EXOC6: variants seen among roughly 807,000 people sequenced by gnomAD.
EXOC6 encodes SEC15-like 1.
In EXOC6, 60 loss-of-function variants were observed where a neutral mutation model predicts 112.5. That is an observed-to-expected ratio of 0.53 (90% CI 0.43 to 0.66). The LOEUF is 0.66. EXOC6 is among the 30% of genes least tolerant of loss of function. The pLI is 0.00. For missense variants in EXOC6, 855 were observed against 957.1 expected (o/e 0.89, Z 1.41); for synonymous variants, 295 against 308.0 (o/e 0.96, Z 0.44).
At chr10:92,837,433 G>T (rs1369175251) in intron 1 of EXOC6, among the ~76,000 whole-genome samples, 1 of 152,202 alleles carries the variant, frequency 6.6e-6, no homozygotes, top group Non-Finnish European at 1.5e-5. Context: ...CACTTTGGGA[G>T]GCTGAGGTGG....
intron 20 of EXOC6, among the ~76,000 whole-genome samples, chr10:93,024,974 CAT>C (rs1257614378): frequency 6.6e-6 from 1 of 151,910 alleles, no homozygotes; most frequent in Non-Finnish European, 1.5e-5. Flanking sequence ...TGAGTTAAGA[CAT>C]AGAAAAAATA....
At chr10:92,974,586 CTCTCTTTCCACG>C (rs1204238848) in intron 18 of EXOC6, among the ~76,000 whole-genome samples, 5 of 151,038 alleles carry the variant, frequency 3.3e-5, no homozygotes, top group African/African-American at 4.9e-5. Flanking sequence ...CTCCCTCTCC[CTCTCTTTCCACG>C]TCTCCCTCTG....
intron 18 of EXOC6, among the ~76,000 whole-genome samples, chr10:92,974,864 A>G (rs1842446993): frequency 6.6e-6 from 1 of 152,162 alleles, no homozygotes; most frequent in African/African-American, 2.4e-5. Context: ...TGGTTCACTC[A>G]GTGCTCAATG....
chr10:92,975,952 C>T (rs1375334743), intron 18 of EXOC6, among the ~76,000 whole-genome samples: 17 of 142,054 alleles, frequency 1.2e-4, no homozygotes, highest in East Asian at 2.2e-4. Flanking sequence ...CCAGCCGCCC[C>T]GTCCGGTAGG....
intron 17 of EXOC6, among the ~76,000 whole-genome samples, chr10:92,960,724 C>T (rs757752438): frequency 5.9e-5 from 9 of 152,094 alleles, no homozygotes; most frequent in African/African-American, 2.2e-4. Context: ...TGACTTTTAA[C>T]GGCACAGAGT....
intron 8 of EXOC6, 61 bp from the exon 9 acceptor site, chr10:92,928,278 T>G: frequency 1.2e-6 from 1 of 825,626 alleles, no homozygotes; most frequent in Non-Finnish European, 2.0e-6. Flanking sequence ...TAAAGAAGTA[T>G]CTGTTTTAGT....
rs1255822859 is a variant in EXOC6, at chr10:93,058,802, C to A, written c.*447C>A. The A allele has an allele frequency of 6.6e-6, 1 of 152,206 alleles. No individual in the cohort carries two copies. Among genetic ancestry groups the A allele is most frequent in the African/African-American group, 2.4e-5 (1 of 41,406 alleles). 9.4% of individuals were successfully genotyped at this position (152,206 alleles called of 1,614,324 possible). A position where few individuals can be genotyped will look rare whatever the true frequency, so the allele number is the denominator to read the frequency against. On this transcript the variant is annotated 3_prime_UTR_variant, in exon 22 of 22. Coordinates refer to ENST00000260762, the MANE Select transcript of EXOC6 (RefSeq NM_019053.6). The stretch of plus-strand genomic sequence containing the variant: ...TGACTTTTAGCTTTTATTTTCACCT[C>A]AATGTGATTTAAGCAGACCAAAATT...
At chr10:92,913,907 C>T (rs567599966) in intron 6 of EXOC6, among the ~76,000 whole-genome samples, 8 of 152,198 alleles carry the variant, frequency 5.3e-5, no homozygotes, top group Middle Eastern at 3.4e-3. Context: ...AATTCTAATA[C>T]GAGAGATGAA....
At chr10:93,034,089 CTG>C (rs748104050) in intron 20 of EXOC6, among the ~76,000 whole-genome samples, 26 of 152,244 alleles carry the variant, frequency 1.7e-4, no homozygotes, top group East Asian at 5.8e-4. Context: ...TTAATGAAAT[CTG>C]TGAGGGAAAA....
chr10:93,007,601 C>T (rs9419755), intron 19 of EXOC6, among the ~76,000 whole-genome samples: 1,586 of 151,860 alleles, frequency 0.01, 30 homozygotes, highest in African/African-American at 0.036. Flanking sequence ...TGCAGTGAGC[C>T]GAGATCACAC....
Position 92,955,729 on chromosome 10 carries a change from G to A in EXOC6, c.1773+15G>A. The A allele has an allele frequency of 2.5e-6, 4 of 1,597,348 alleles. No individual in the cohort carries two copies. The highest frequency in any genetic ancestry group is 3.4e-6 in the Non-Finnish European group (4 of 1,174,530). On this transcript the variant is annotated intron_variant, in intron 17 of 21. Transcript: ENST00000260762. ...CTACTTTCAAGGTATGTAAAAATTT[G>A]ACCAAAAGTTTTCATTTCAGTCACT...
At position 92,897,007 on chromosome 10, in the gene EXOC6, C is replaced by T. The variant is rs1245840984; in HGVS notation, c.412+1987C>T. 2.0e-5 allele frequency among the ~76,000 whole-genome samples: 3 copies of T among 152,218 alleles called. No individual in the cohort carries two copies. The East Asian group carries it at 5.8e-4, about 29-fold the overall frequency. ...ATGTTAAGTTTCAGGGTTGAGAAAC[C>T]TATTTCCTTATAGTCATGTTTAATA... is the stretch of plus-strand genomic sequence containing the variant. On this transcript the variant is annotated intron_variant, in intron 4 of 21. Transcript: ENST00000260762.
intron 17 of EXOC6, among the ~76,000 whole-genome samples, chr10:92,959,883 C>T (rs1304577007): frequency 6.6e-6 from 1 of 152,194 alleles, no homozygotes; most frequent in Non-Finnish European, 1.5e-5. Flanking sequence ...GGATGTGGAG[C>T]AACAGAAGCT....
At chr10:92,938,570 G>A (rs1419143989) in intron 12 of EXOC6, among the ~76,000 whole-genome samples, 3 of 152,018 alleles carry the variant, frequency 2.0e-5, no homozygotes, top group African/African-American at 7.2e-5. Context: ...ACAATAAAGT[G>A]AAAAAGTAAT....
upstream of EXOC6, chr10:92,848,439 C>CCCCCCCCCCCCCCCCCA: frequency 4.0e-6 from 3 of 754,570 alleles, no homozygotes; most frequent in Non-Finnish European, 5.0e-6. Flanking sequence ...GAGCGCCCCG[C>CCCCCCCCCCCCCCCCCA]CCCCGCCCCG....
At chr10:92,973,436 C>G (rs1464382358) in intron 17 of EXOC6, among the ~76,000 whole-genome samples, 1 of 152,174 alleles carries the variant, frequency 6.6e-6, no homozygotes, top group Non-Finnish European at 1.5e-5. Context: ...AAGTTTTGAA[C>G]TAATTTTCAG....
chr10:92,958,680 G>GAT (rs1853824134), intron 17 of EXOC6, among the ~76,000 whole-genome samples: 1 of 152,126 alleles, frequency 6.6e-6, no homozygotes, highest in African/African-American at 2.4e-5. Flanking sequence ...TTTTTCTATG[G>GAT]ATGTTGACAA....
chr10:92,888,685 A>G (rs1207924413), intron 1 of EXOC6, among the ~76,000 whole-genome samples: 1 of 152,234 alleles, frequency 6.6e-6, no homozygotes, highest in African/African-American at 2.4e-5. Flanking sequence ...CCAACTTTTA[A>G]TAAAATGTGT....
chr10:92,950,605 C>T (rs1461372161), intron 14 of EXOC6, among the ~76,000 whole-genome samples: 1 of 151,758 alleles, frequency 6.6e-6, no homozygotes, highest in South Asian at 2.1e-4. Flanking sequence ...GGGGATGCAC[C>T]ATGCAGAAAG....
Sources: allele counts gnomAD v4.1 joint callset (sites outside exome capture counted in the v4.1 genomes callset), GRCh38; gene constraint gnomAD v4.1.1; transcripts MANE v1.5; gene names NCBI Gene and HGNC (gene_info 2026-07-23, HGNC 2026-07-21).